Variants in WIPI2 observed in about 807,000 individuals in gnomAD.
WIPI2 encodes the protein WD repeat domain phosphoinositide-interacting protein 2.
A neutral mutation model predicts 52.3 loss-of-function variants in WIPI2; 28 were observed. The observed-to-expected ratio is 0.54, with a 90% CI of 0.40 to 0.73. The LOEUF is 0.73. Among genes scored for constraint, WIPI2 ranks in the 30% least tolerant of loss-of-function variants. The pLI is 0.00. For missense variants in WIPI2, 506 were observed against 602.9 expected (o/e 0.84, Z 1.68); for synonymous variants, 268 against 245.0 (o/e 1.09, Z -0.88).
chr7:5,196,026 A>T (rs1030283564), intron 2 of WIPI2, among the ~76,000 whole-genome samples: 1 of 151,346 alleles, frequency 6.6e-6, no homozygotes, highest in Non-Finnish European at 1.5e-5. Flanking sequence ...CAACAGAGCA[A>T]GACTCCATCT....
chr7:5,193,033 T>A, intron 1 of WIPI2, 85 bp from the exon 2 acceptor site: 1 of 1,350,246 alleles, frequency 7.4e-7, no homozygotes, highest in East Asian at 2.3e-5. Context: ...GTCGTACTTT[T>A]TCATGATTCC....
At chr7:5,196,660 C>T (rs1308161420) in intron 2 of WIPI2, among the ~76,000 whole-genome samples, 1 of 152,086 alleles carries the variant, frequency 6.6e-6, no homozygotes, top group African/African-American at 2.4e-5. Flanking sequence ...GAGAAGCCCC[C>T]TCGAAGCTCA....
chr7:5,203,391 C>T (rs935294735), intron 3 of WIPI2, among the ~76,000 whole-genome samples: 22 of 152,338 alleles, frequency 1.4e-4, no homozygotes, highest in Middle Eastern at 3.4e-3. Flanking sequence ...ATTTCATGGC[C>T]TCATTCTTCC....
chr7:5,222,696 T>C, intron 8 of WIPI2, 24 bp downstream of exon 8: 1 of 1,602,466 alleles, frequency 6.2e-7, no homozygotes, highest in Non-Finnish European at 8.5e-7. Context: ...ATGTCCAGAA[T>C]GGATTCTGGA....
rs1341387996 is a variant in WIPI2 at position 5,214,517 on chromosome 7, T to C, written c.212-18T>C. 1.9e-5 allele frequency: 30 copies of C among 1,614,134 alleles called. No homozygotes were observed. Among genetic ancestry groups the C allele is most frequent in the Non-Finnish European group, 2.4e-5 (28 of 1,180,060 alleles). ...CATGTGGAGATGTTCACGCATGTAC[T>C]TCCCTTTGTGATTTCAGCCGATACG... On this transcript the variant is annotated intron_variant, in intron 3 of 12. Coordinates refer to ENST00000288828, the MANE Select transcript of WIPI2 (RefSeq NM_015610.4).
At position 5,219,573 on chromosome 7, in the gene WIPI2, C is replaced by G. The variant is rs559756785; in HGVS notation, c.669+1559C>G. ...CGCTCTGTCCCAGGTGCTGAGGCCC[C>G]CTGAGGCCTGTGACTTAATCCTGCT... On this transcript the variant is annotated intron_variant, in intron 7 of 12. Coordinates refer to ENST00000288828, the MANE Select transcript of WIPI2 (RefSeq NM_015610.4). Among the ~76,000 whole-genome samples the G allele has an allele frequency of 3.3e-5, 5 of 152,258 alleles. No homozygotes were observed. The South Asian group carries it at 1.0e-3, about 32-fold the overall frequency.
chr7:5,225,861 G>C lies in WIPI2; in HGVS notation c.779G>C (p.Gly260Ala), dbSNP rs1480875579. Residue 260 changes from glycine to alanine, a missense_variant, in exon 9 of 13, where the codon GGC (glycine) becomes GCC (alanine). By Grantham distance (60) the Gly-to-Ala change is moderately conservative. Around this residue, in one of 4 missense-constraint regions of WIPI2, gnomAD observed 237 missense variants for 346.9 expected, o/e 0.68. Transcript: ENST00000288828. ...TGCTCCCTGGCCTTCAGCATGGACGGCATGTTCCTCTCCGCCTCCAGCAAC... is the reference window on the plus strand; with the variant it reads ...TGCTCCCTGGCCTTCAGCATGGACGCCATGTTCCTCTCCGCCTCCAGCAAC... ...SICSLAFSMD[G>A]MFLSASSNTE... 5 of 1,613,512 alleles carry C rather than the reference G, an allele frequency of 3.1e-6. No individual in the cohort carries two copies. Among genetic ancestry groups the C allele is most frequent in the Non-Finnish European group, 4.2e-6 (5 of 1,179,914 alleles).
In WIPI2 at chr7:5,227,234, C is replaced by T. The variant is rs1316208550; in HGVS notation, c.903C>T (p.Ala301=). The part of the protein sequence containing the change: ...WTGYFGKVLM[A]STSYLPSQVT... Reference sequence around the variant, plus strand: ...GGTACTTCGGGAAAGTGCTCATGGCCTCCACCAGCTACCTGCCTTCCCAAG... The same window carrying T: ...GGTACTTCGGGAAAGTGCTCATGGCTTCCACCAGCTACCTGCCTTCCCAAG... The change falls in exon 10 of 13, where the codon GCC becomes GCT. Residue 301 remains alanine, a synonymous_variant. Transcript: ENST00000288828. The surrounding 1 kb of genome is among the most constrained non-coding windows in gnomAD (Gnocchi z 8.1). The T allele has an allele frequency of 2.5e-6, 4 of 1,613,940 alleles. No homozygotes were observed. Among genetic ancestry groups the T allele is most frequent in the African/African-American group, 2.7e-5 (2 of 74,928 alleles).
intron 2 of WIPI2, among the ~76,000 whole-genome samples, chr7:5,199,050 C>T (rs1017443132): frequency 4.6e-5 from 7 of 152,160 alleles, no homozygotes; most frequent in Middle Eastern, 3.2e-3. Context: ...GACAGTATCT[C>T]GCTCCGTCTC....
Position 5,231,925 on chromosome 7 carries a change from C to T in WIPI2, c.*978C>T, listed in dbSNP as rs1329251203. On this transcript the variant is annotated 3_prime_UTR_variant, in exon 13 of 13. Transcript: ENST00000288828. ...CAACAGAGAGTAGGCGGCTGGGCCA[C>T]GTCCTTCACAGGGCGTCATGTGCCT... 2.4e-5 allele frequency: 8 copies of T among 331,248 alleles called. No individual in the cohort carries two copies. Among genetic ancestry groups the T allele is most frequent in the South Asian group, 1.6e-4 (1 of 6,416 alleles). 20.5% of individuals were successfully genotyped at this position (331,248 alleles called of 1,614,324 possible).
In WIPI2 at chr7:5,227,086, TGTCGGCTCCA is replaced by T. The variant is rs1783471582; in HGVS notation, c.849-92_849-83del. 6.6e-7 allele frequency: 1 copy of T among 1,509,002 alleles called. No homozygotes were observed. The highest frequency in any genetic ancestry group is 9.0e-7 in the Non-Finnish European group (1 of 1,116,086). The allele number at this position is 1,509,002 out of a possible 1,614,324, so 93.5% of individuals were successfully genotyped here. A position where few individuals can be genotyped will look rare whatever the true frequency, so the allele number is the denominator to read the frequency against. On this transcript the variant is annotated intron_variant, in intron 9 of 12. Coordinates refer to ENST00000288828, the MANE Select transcript of WIPI2 (RefSeq NM_015610.4). The surrounding 1 kb of genome is among the most constrained non-coding windows in gnomAD (Gnocchi z 8.1). The stretch of plus-strand genomic sequence containing the variant: ...TCCTGTGAAGAATGGAGACTTTTGC[TGTCGGCTCCA>T]GAGCTGTGCGTCTGTGTGAGTAGGG...
intron 3 of WIPI2, among the ~76,000 whole-genome samples, chr7:5,207,791 A>T (rs571389381): frequency 0.12 from 3,298 of 28,346 alleles, 46 homozygotes; most frequent in Non-Finnish European, 0.16. Flanking sequence ...TTTTTTTTTG[A>T]GAGAGTCTCT....
intron 8 of WIPI2, among the ~76,000 whole-genome samples, chr7:5,223,897 G>A (rs533426805): frequency 6.6e-5 from 10 of 152,304 alleles, no homozygotes; most frequent in Admixed American, 1.3e-4. Context: ...CTGTGGGCCC[G>A]CCCTGTGCCT....
intron 3 of WIPI2, among the ~76,000 whole-genome samples, chr7:5,203,054 C>CTACA (rs1323615009): frequency 1.3e-5 from 2 of 152,202 alleles, no homozygotes; most frequent in African/African-American, 4.8e-5. Flanking sequence ...GCAAAAGTGA[C>CTACA]TACAGCCTGC....
In WIPI2 at chr7:5,229,729, A is replaced by C; in HGVS notation, c.1243A>C (p.Thr415Pro). ...AGGTACTTACGTGCCTTCATCCCCAACGAGACTTGGTAAGGGGCGTGACGC... is the reference window on the plus strand; with the variant it reads ...AGGTACTTACGTGCCTTCATCCCCACCGAGACTTGGTAAGGGGCGTGACGC... ...GKGTYVPSSP[T>P]RLAYTDDLGA... The change falls in exon 12 of 13, where the codon ACG becomes CCG. Residue 415 changes from threonine to proline, a missense_variant. Thr to Pro is a conservative substitution (Grantham distance 38, BLOSUM62 -1). This residue lies in a region of WIPI2 where 194 missense variants were observed against 175.1 expected (regional missense o/e 1.11). Coordinates refer to ENST00000288828, the MANE Select transcript of WIPI2 (RefSeq NM_015610.4). The C allele has an allele frequency of 6.2e-7, 1 of 1,613,738 alleles. No homozygotes were observed. Among genetic ancestry groups the C allele is most frequent in the Non-Finnish European group, 8.5e-7 (1 of 1,179,770 alleles).
intron 3 of WIPI2, among the ~76,000 whole-genome samples, chr7:5,207,102 G>A (rs1428045727): frequency 8.5e-5 from 13 of 152,078 alleles, no homozygotes; most frequent in Non-Finnish European, 1.0e-4. Context: ...GCATTTCCAG[G>A]TAGACGGCAG....
intron 2 of WIPI2, among the ~76,000 whole-genome samples, chr7:5,197,711 A>G (rs1426955167): frequency 6.6e-6 from 1 of 152,202 alleles, no homozygotes; most frequent in Non-Finnish European, 1.5e-5. Context: ...TTTTTAATAA[A>G]TCACATGATC....
At chr7:5,221,104 C>T (rs1366362987) in intron 7 of WIPI2, among the ~76,000 whole-genome samples, 2 of 151,802 alleles carry the variant, frequency 1.3e-5, no homozygotes, top group East Asian at 1.9e-4. Flanking sequence ...GCTGGGATTA[C>T]AGGCATGCGC....
intron 5 of WIPI2, 31 bp from the exon 6 acceptor site, chr7:5,217,059 T>G: frequency 6.3e-7 from 1 of 1,591,600 alleles, no homozygotes; most frequent in Non-Finnish European, 8.6e-7. Context: ...AGGTGGAAGT[T>G]TGCATCTCGT....
Sources: gnomAD v4.1 joint callset for allele counts (sites outside exome capture counted in the v4.1 genomes callset) on GRCh38, gnomAD v4.1.1 for gene constraint, gnomAD v4.1.1 regional missense constraint, Gnocchi (gnomAD v3.1) non-coding constraint, MANE v1.5 for transcripts, NCBI Gene and HGNC (gene_info 2026-07-23, HGNC 2026-07-21) for gene names.